JCAD: variants seen among roughly 807,000 people sequenced by gnomAD.
The protein encoded by JCAD is junctional cadherin 5 associated, also known as junctional cadherin 5-associated protein.
Under a neutral mutation model 98.0 loss-of-function variants are expected in JCAD, and 40 were observed. That is an observed-to-expected ratio of 0.41 (90% CI 0.32 to 0.53). The LOEUF (loss-of-function observed/expected upper bound fraction) is 0.53, where lower values mean the gene tolerates loss of function less well. Ranked by LOEUF, JCAD falls within the 20% of genes least tolerant of loss-of-function variation. The pLI, the probability that JCAD is intolerant of heterozygous loss-of-function variation, is 0.31. For missense variants in JCAD, 1,705 were observed against 1,738.1 expected, an observed-to-expected ratio of 0.98 and a Z score of 0.34; for synonymous variants, 691 against 682.3, an observed-to-expected ratio of 1.01 and a Z score of -0.20.
At chr10:30,088,680 C>T (rs900090880) in intron 1 of JCAD, among the ~76,000 whole-genome samples, 2 of 152,024 alleles carry the variant, frequency 1.3e-5, no homozygotes, top group Non-Finnish European at 1.5e-5. Flanking sequence ...AAAAATAATG[C>T]TCATTGGCTG....
Position 30,027,480 on chromosome 10 carries a change from C to G in JCAD, c.2668G>C (p.Val890Leu). The G allele has an allele frequency of 6.2e-7, 1 of 1,606,956 alleles. No individual in the cohort carries two copies. The highest frequency in any genetic ancestry group is 1.6e-4 in the Middle Eastern group (1 of 6,062). The change falls in exon 3 of 4, where the codon GTT (valine) becomes CTT (leucine). Residue 890 changes from valine (V) to leucine (L), a missense_variant. Coordinates refer to ENST00000375377, the MANE Select transcript of JCAD (RefSeq NM_020848.4). ...GFRGNSPEMR[V>L]EPQPRMWVPE... is the part of the protein sequence containing the mutation. ...ACCCACATCCTCGGCTGTGGCTCAA[C>G]CCTCATTTCCGGGCTGTTTCCGCGG...
intron 1 of JCAD, among the ~76,000 whole-genome samples, chr10:30,079,586 G>A (rs1838044000): frequency 6.6e-6 from 1 of 152,142 alleles, no homozygotes; most frequent in African/African-American, 2.4e-5. Flanking sequence ...TCCTGGTCAT[G>A]GATTGGCTGC....
In JCAD at chr10:30,029,324, G is replaced by A; in HGVS notation, c.824C>T (p.Ser275Phe). ...CAPNLDSTRNSEKSGCSAPFP... is the reference protein window; with the variant it reads ...CAPNLDSTRNFEKSGCSAPFP... ...TGGGGCTGAGCAGCCACTCTTCTCA[G>A]AATTCCTCGTGGAGTCCAAATTTGG... is the stretch of plus-strand genomic sequence containing the variant. The change falls in exon 3 of 4, where the codon TCT becomes TTT. Residue 275 changes from serine (S) to phenylalanine (F), a missense_variant. Coordinates refer to ENST00000375377, the MANE Select transcript of JCAD (RefSeq NM_020848.4). The A allele has an allele frequency of 6.2e-7, 1 of 1,614,190 alleles. No individual in the cohort carries two copies. Among genetic ancestry groups the A allele is most frequent in the Non-Finnish European group, 8.5e-7 (1 of 1,180,038 alleles).
chr10:30,085,070 T>C (rs1838146452), intron 1 of JCAD, among the ~76,000 whole-genome samples: 1 of 152,240 alleles, frequency 6.6e-6, no homozygotes, highest in Non-Finnish European at 1.5e-5. Context: ...GTAGGTATCC[T>C]GATATTCATC....
At chr10:30,063,035 C>A (rs1300045500), upstream of JCAD, among the ~76,000 whole-genome samples, 1 of 151,982 alleles carries the variant, frequency 6.6e-6, no homozygotes, top group Non-Finnish European at 1.5e-5. Context: ...GGATGGTGGG[C>A]AAGACGTGAG....
intron 1 of JCAD, among the ~76,000 whole-genome samples, chr10:30,094,193 G>A (rs1219026772): frequency 6.6e-6 from 1 of 152,072 alleles, no homozygotes; most frequent in Admixed American, 6.6e-5. Context: ...TATAATTCCA[G>A]CACTTTGGGA....
At chr10:30,051,762 C>T (rs950475851) in intron 1 of JCAD, among the ~76,000 whole-genome samples, 3 of 151,866 alleles carry the variant, frequency 2.0e-5, no homozygotes, top group Non-Finnish European at 2.9e-5. Flanking sequence ...TCTATTGTAA[C>T]ATGCACAGGG....
chr10:30,096,091 A>G lies in JCAD; in HGVS notation n.128+19276T>C. Among the ~76,000 whole-genome samples, 2 of 152,226 alleles carry G rather than the reference A, an allele frequency of 1.3e-5. 1 individual carries two copies. The highest frequency in any genetic ancestry group is 2.9e-5 in the Non-Finnish European group (2 of 68,036). ...TTCAGTCCACAGGATCCACACAGCC[A>G]TCAGAGGGGCCAGTGTGTGGAGAAG... On this transcript the variant is annotated intron_variant and non_coding_transcript_variant, in intron 1 of 2. Coordinates refer to the JCAD transcript ENST00000465712.
chr10:30,081,271 A>G (rs1838079406), intron 1 of JCAD, among the ~76,000 whole-genome samples: 1 of 152,358 alleles, frequency 6.6e-6, no homozygotes. Flanking sequence ...GATATGTTAT[A>G]TATCAGTCTG....
intron 1 of JCAD, among the ~76,000 whole-genome samples, chr10:30,075,780 G>A (rs745578421): frequency 7.9e-5 from 12 of 152,166 alleles, no homozygotes; most frequent in Non-Finnish European, 1.6e-4. Context: ...ATGAGGGCGG[G>A]TTGCTCTTGT....
At position 30,017,735 on chromosome 10, in the gene JCAD, T is replaced by C; in HGVS notation, c.*148A>G. On this transcript the variant is annotated 3_prime_UTR_variant, in exon 4 of 4. Coordinates refer to ENST00000375377, the MANE Select transcript of JCAD (RefSeq NM_020848.4). ...AATTCTGAGAGGATGGCAAGTTTCCTAGTGGCAGTGGTAAAGAATGTTATC... is the reference window on the plus strand; with the variant it reads ...AATTCTGAGAGGATGGCAAGTTTCCCAGTGGCAGTGGTAAAGAATGTTATC... 1 of 711,418 alleles carries C rather than the reference T, an allele frequency of 1.4e-6. No homozygotes were observed. The allele number at this position is 711,418 out of a possible 1,614,324, so 44.1% of individuals were successfully genotyped here.
intron 1 of JCAD, among the ~76,000 whole-genome samples, chr10:30,049,480 C>T (rs923478635): frequency 2.0e-5 from 3 of 152,226 alleles, no homozygotes; most frequent in South Asian, 2.1e-4. Flanking sequence ...GGGAAAGTCT[C>T]GCCTGTCAGC....
chr10:30,018,296 C>CTTCTTTT (rs1554794090), intron 3 of JCAD, among the ~76,000 whole-genome samples: 8 of 70,654 alleles, frequency 1.1e-4, no homozygotes, highest in Non-Finnish European at 2.4e-4. Flanking sequence ...TCTTCTTCTT[C>CTTCTTTT]TTTTTTTTTT....
upstream of JCAD, among the ~76,000 whole-genome samples, chr10:30,060,375 C>T (rs1001785437): frequency 5.3e-5 from 8 of 152,152 alleles, no homozygotes; most frequent in African/African-American, 1.9e-4. Flanking sequence ...CCAGAATGAA[C>T]ATTTGGGGTC....
intron 2 of JCAD, among the ~76,000 whole-genome samples, chr10:30,037,934 T>TAAA (rs57504197): frequency 0.44 from 48,101 of 108,338 alleles, 9,624 homozygotes; most frequent in African/African-American, 0.56. Context: ...ATGGAAAAAT[T>TAAA]AAAAAAAAAA....
chr10:30,081,133 C>T (rs887133218), intron 1 of JCAD, among the ~76,000 whole-genome samples: 2 of 152,178 alleles, frequency 1.3e-5, no homozygotes, highest in Admixed American at 6.5e-5. Context: ...TGAGGTTAAG[C>T]TTAAAAGGCA....
In JCAD at chr10:30,044,834, A is replaced by C. The variant is rs368037877; in HGVS notation, c.281+2698T>G. Reference sequence around the variant, plus strand: ...TTCTCTATTGGGCACCTAAAAAAAAAAAAAAGTCTTTCATTTCAACCCAGG... The same window carrying C: ...TTCTCTATTGGGCACCTAAAAAAAACAAAAAGTCTTTCATTTCAACCCAGG... On this transcript the variant is annotated intron_variant, in intron 2 of 3. Coordinates refer to ENST00000375377, the MANE Select transcript of JCAD (RefSeq NM_020848.4). 68 of 982,968 alleles carry C rather than the reference A, an allele frequency of 6.9e-5. 1 individual carries two copies. In the African/African-American group the frequency reaches 1.0e-3, roughly 15 times the overall value. 60.9% of individuals were successfully genotyped at this position (982,968 alleles called of 1,614,324 possible).
intron 1 of JCAD, among the ~76,000 whole-genome samples, chr10:30,094,823 G>A (rs994475661): frequency 6.6e-6 from 1 of 152,076 alleles, no homozygotes. Flanking sequence ...ACCTCCTCCC[G>A]AATATCTGTC....
rs1179992505 is a variant in JCAD at position 30,019,107 on chromosome 10, G to A, written c.4046-1190C>T. The stretch of plus-strand genomic sequence containing the variant: ...ACAGTGGCTCACGGCTGTAATCCCA[G>A]CACTTTGGGAGGCCGAGGCAGGTGG... On this transcript the variant is annotated intron_variant, in intron 3 of 3. Transcript: ENST00000375377. Among the ~76,000 whole-genome samples the A allele has an allele frequency of 2.6e-5, 4 of 152,202 alleles. No individual in the cohort carries two copies. In the East Asian group the frequency reaches 7.7e-4, roughly 29 times the overall value.
Sources: gnomAD v4.1 joint callset for allele counts (sites outside exome capture counted in the v4.1 genomes callset) on GRCh38, gnomAD v4.1.1 for gene constraint, MANE v1.5 for transcripts, NCBI Gene and HGNC (gene_info 2026-07-23, HGNC 2026-07-21) for gene names.